Variants in RGS6 observed in about 807,000 individuals in gnomAD.
RGS6 encodes regulator of G-protein signaling 6.
In RGS6, 30 loss-of-function variants were observed where a neutral mutation model predicts 78.5. That is an observed-to-expected ratio of 0.38 (90% CI 0.29 to 0.52). The LOEUF is 0.52. Among genes scored for constraint, RGS6 ranks in the 20% least tolerant of loss-of-function variants. RGS6 has a pLI of 0.85. For missense variants in RGS6, 495 were observed against 609.7 expected, an observed-to-expected ratio of 0.81 and a Z score of 1.98; for synonymous variants, 206 against 206.0, an observed-to-expected ratio of 1.00 and a Z score of 0.00.
intron 8 of RGS6, among the ~76,000 whole-genome samples, chr14:72,472,478 T>C (rs182532880): frequency 6.6e-6 from 1 of 152,364 alleles, no homozygotes; most frequent in East Asian, 1.9e-4. Flanking sequence ...AAGATGGTGG[T>C]TACATTCCAT....
intron 1 of RGS6, among the ~76,000 whole-genome samples, chr14:71,936,927 A>C (rs2152940577): frequency 6.6e-6 from 1 of 152,328 alleles, no homozygotes; most frequent in East Asian, 1.9e-4. Flanking sequence ...GCACCTCAGC[A>C]GGTTCTTTTC....
At chr14:72,324,855 C>T (rs2073259106) in intron 2 of RGS6, among the ~76,000 whole-genome samples, 1 of 152,094 alleles carries the variant, frequency 6.6e-6, no homozygotes, top group Admixed American at 6.5e-5. Context: ...ATTTATAATC[C>T]TTTGGGTATA....
At chr14:72,167,442 A>C (rs1285604065) in intron 2 of RGS6, among the ~76,000 whole-genome samples, 1 of 152,208 alleles carries the variant, frequency 6.6e-6, no homozygotes, top group African/African-American at 2.4e-5. Context: ...ACCCACATAC[A>C]TTCAGGAGGG....
intron 2 of RGS6, among the ~76,000 whole-genome samples, chr14:71,976,824 G>A (rs1274271752): frequency 6.7e-6 from 1 of 149,470 alleles, no homozygotes; most frequent in Admixed American, 6.7e-5. Flanking sequence ...CTAGATCCCT[G>A]AGGAATCACC....
At chr14:72,136,557 C>T (rs971620059) in intron 2 of RGS6, among the ~76,000 whole-genome samples, 5 of 151,986 alleles carry the variant, frequency 3.3e-5, no homozygotes, top group South Asian at 2.1e-4. Context: ...CTTATAAAAC[C>T]GTAAGATTTC....
At chr14:72,049,768 C>G (rs2093109041) in intron 2 of RGS6, among the ~76,000 whole-genome samples, 1 of 152,164 alleles carries the variant, frequency 6.6e-6, no homozygotes, top group Non-Finnish European at 1.5e-5. Flanking sequence ...GAACAGGAAG[C>G]CTTCTGTTGA....
intron 17 of RGS6, among the ~76,000 whole-genome samples, chr14:72,555,198 G>T (rs917143802): frequency 4.6e-5 from 7 of 152,150 alleles, no homozygotes; most frequent in African/African-American, 1.7e-4. Flanking sequence ...GTCCTCCCTG[G>T]GGCATTTGCC....
At chr14:72,048,002 G>A (rs2092988970) in intron 2 of RGS6, among the ~76,000 whole-genome samples, 1 of 148,148 alleles carries the variant, frequency 6.8e-6, no homozygotes, top group South Asian at 2.2e-4. Flanking sequence ...TGCCTTAAGT[G>A]TATGATGCCC....
chr14:72,547,196 C>A (rs1037860275), intron 17 of RGS6: 1 of 1,535,274 alleles, frequency 6.5e-7, no homozygotes, highest in South Asian at 1.2e-5. Context: ...AGCAGCAGCA[C>A]CGCAGCAGAG....
At chr14:72,048,672 A>C (rs752893015) in intron 2 of RGS6, among the ~76,000 whole-genome samples, 2 of 151,926 alleles carry the variant, frequency 1.3e-5, no homozygotes, top group Non-Finnish European at 2.9e-5. Flanking sequence ...TGTTACAGCG[A>C]CACTTTCTTT....
chr14:72,494,338 A>G (rs552803342), intron 12 of RGS6, among the ~76,000 whole-genome samples: 1 of 152,184 alleles, frequency 6.6e-6, no homozygotes, highest in East Asian at 1.9e-4. Context: ...GGAGTTGAGG[A>G]CTGGTGAATA....
intron 2 of RGS6, among the ~76,000 whole-genome samples, chr14:72,181,708 G>A (rs1318379400): frequency 6.6e-6 from 1 of 152,132 alleles, no homozygotes; most frequent in South Asian, 2.1e-4. Context: ...AAAATAATCA[G>A]GTTCTCTATA....
intron 13 of RGS6, among the ~76,000 whole-genome samples, chr14:72,501,544 T>C (rs1370806160): frequency 2.0e-5 from 3 of 152,196 alleles, no homozygotes; most frequent in Non-Finnish European, 4.4e-5. Context: ...AAGTAAAGTT[T>C]AATTAAAGAA....
At chr14:72,614,738 A>T in the RGS6 span, among the ~76,000 whole-genome samples, 1 of 144,118 alleles carries the variant, frequency 6.9e-6, no homozygotes. Flanking sequence ...TTACAAAATA[A>T]TAATAATAAT....
At chr14:72,005,439 C>CTCTATCTATATATCTATCTA (rs1555428312) in intron 2 of RGS6, among the ~76,000 whole-genome samples, 3 of 143,512 alleles carry the variant, frequency 2.1e-5, no homozygotes, top group Admixed American at 7.1e-5. Flanking sequence ...ACCTGCATAT[C>CTCTATCTATATATCTATCTA]TCTATCTATC....
chr14:72,214,149 GA>G lies in RGS6; in HGVS notation c.85-137938del, dbSNP rs1048815978. ...ATGGTGACCTTTCACTTGGCCAGAA[GA>G]AAAAAAACTACACTGTTTATTTTCT... On this transcript the variant is annotated intron_variant, in intron 2 of 17. Transcript: ENST00000553525. 6.8e-5 allele frequency among the ~76,000 whole-genome samples: 10 copies of G among 147,696 alleles called. No homozygotes were observed. In the East Asian group the frequency reaches 9.9e-4, roughly 15 times the overall value.
the RGS6 span, among the ~76,000 whole-genome samples, chr14:72,575,976 G>A: frequency 6.6e-6 from 1 of 152,228 alleles, no homozygotes; most frequent in Non-Finnish European, 1.5e-5. Context: ...CAGAGCCAGA[G>A]GCTCCCGTTC....
chr14:71,940,263 G>A (rs1031100568), intron 1 of RGS6, among the ~76,000 whole-genome samples: 1 of 152,124 alleles, frequency 6.6e-6, no homozygotes, highest in Admixed American at 6.5e-5. Context: ...AGGTCTCCTT[G>A]GGGAAAGATG....
chr14:72,446,771 C>T (rs992787693), intron 3 of RGS6, among the ~76,000 whole-genome samples: 33 of 152,282 alleles, frequency 2.2e-4, no homozygotes, highest in African/African-American at 7.7e-4. Flanking sequence ...AGGAACAGAA[C>T]ATCAGGCATT....
Sources: gnomAD v4.1 joint callset for allele counts (sites outside exome capture counted in the v4.1 genomes callset) on GRCh38, gnomAD v4.1.1 for gene constraint, MANE v1.5 for transcripts, NCBI Gene and HGNC (gene_info 2026-07-23, HGNC 2026-07-21) for gene names.